Variants in LRP1B observed in about 807,000 individuals in gnomAD.
The protein encoded by LRP1B is low-density lipoprotein receptor-related protein 1B.
Under a neutral mutation model 556.6 loss-of-function variants are expected in LRP1B, and 217 were observed. The ratio of observed to expected loss-of-function variants is 0.39; its 90% CI spans 0.35 to 0.44. The LOEUF (loss-of-function observed/expected upper bound fraction) is 0.44, where lower values mean the gene tolerates loss of function less well. Among genes scored for constraint, LRP1B ranks in the 20% least tolerant of loss-of-function variants. The pLI is 1.00. For synonymous variants in LRP1B, 2,047 were observed against 1,865.8 expected (o/e 1.10, Z -2.50); for missense variants, 5,053 against 5,620.8 (o/e 0.90, Z 3.23).
chr2:141,878,693 TTAAA>T (rs909883548), intron 1 of LRP1B, among the ~76,000 whole-genome samples: 3 of 152,016 alleles, frequency 2.0e-5, no homozygotes, highest in Non-Finnish European at 4.4e-5. Flanking sequence ...AATGAACAAT[TTAAA>T]TAAATAACTG....
intron 7 of LRP1B, among the ~76,000 whole-genome samples, chr2:141,175,683 C>T (rs1680702063): frequency 6.6e-6 from 1 of 152,094 alleles, no homozygotes; most frequent in African/African-American, 2.4e-5. Flanking sequence ...GGGGTTGGAG[C>T]TCCCACACAG....
At chr2:142,100,881 C>T (rs1706545965) in intron 1 of LRP1B, among the ~76,000 whole-genome samples, 1 of 151,860 alleles carries the variant, frequency 6.6e-6, no homozygotes, top group Admixed American at 6.6e-5. Flanking sequence ...CACGTTTCCC[C>T]TTCCTTTTGC....
intron 7 of LRP1B, among the ~76,000 whole-genome samples, chr2:141,160,318 C>A (rs1044961931): frequency 6.6e-6 from 1 of 152,082 alleles, no homozygotes; most frequent in South Asian, 2.1e-4. Context: ...GCTGGTGAAA[C>A]TGTACAGCCT....
intron 2 of LRP1B, among the ~76,000 whole-genome samples, chr2:141,641,645 T>C (rs541870959): frequency 6.6e-6 from 1 of 152,276 alleles, no homozygotes; most frequent in African/African-American, 2.4e-5. Context: ...AATGGCATTA[T>C]GAAAGCTTAC....
intron 1 of LRP1B, among the ~76,000 whole-genome samples, chr2:142,036,475 T>G (rs1303220004): frequency 6.6e-6 from 1 of 151,720 alleles, no homozygotes; most frequent in Non-Finnish European, 1.5e-5. Flanking sequence ...TTTGAATTCC[T>G]AATTATTGGT....
At chr2:140,249,154 T>C (rs1470513285) in intron 86 of LRP1B, among the ~76,000 whole-genome samples, 1 of 151,680 alleles carries the variant, frequency 6.6e-6, no homozygotes, top group East Asian at 1.9e-4. Flanking sequence ...TCGGAAAAGA[T>C]TTGAAGTCAG....
At chr2:141,467,881 C>T (rs1202287010) in intron 3 of LRP1B, among the ~76,000 whole-genome samples, 2 of 149,642 alleles carry the variant, frequency 1.3e-5, no homozygotes, top group Non-Finnish European at 3.0e-5. Context: ...CACATACTAT[C>T]CCTAGAAGTT....
chr2:140,794,865 G>T (rs1051963320), intron 32 of LRP1B, among the ~76,000 whole-genome samples: 1 of 151,876 alleles, frequency 6.6e-6, no homozygotes, highest in Non-Finnish European at 1.5e-5. Flanking sequence ...CACCCACCTC[G>T]GCCTCCCAAA....
chr2:140,792,518 T>A (rs1690158609), intron 32 of LRP1B, among the ~76,000 whole-genome samples: 1 of 152,182 alleles, frequency 6.6e-6, no homozygotes, highest in Non-Finnish European at 1.5e-5. Flanking sequence ...CTAGGAAATA[T>A]TAACTTCAGT....
intron 46 of LRP1B, 47 bp from the exon 47 acceptor site, chr2:140,534,187 A>G (rs368344192): frequency 1.3e-6 from 2 of 1,533,196 alleles, no homozygotes; most frequent in African/African-American, 2.8e-5. Context: ...ATATAGAAAT[A>G]TTTGTACAAA....
intron 3 of LRP1B, among the ~76,000 whole-genome samples, chr2:141,370,392 G>T (rs544685935): frequency 6.6e-6 from 1 of 152,178 alleles, no homozygotes; most frequent in African/African-American, 2.4e-5. Context: ...ACATTTCCCT[G>T]GTGATTAATG....
chr2:140,600,763 C>T (rs1275577036), intron 42 of LRP1B, among the ~76,000 whole-genome samples: 25 of 51,638 alleles, frequency 4.8e-4, no homozygotes, highest in East Asian at 1.5e-3. Context: ...CTTTGTTCTT[C>T]GGGGTTTTTT....
intron 62 of LRP1B, among the ~76,000 whole-genome samples, chr2:140,452,968 T>TG (rs1686945457): frequency 6.7e-6 from 1 of 149,968 alleles, no homozygotes; most frequent in Non-Finnish European, 1.5e-5. Flanking sequence ...TGTGTTTTTT[T>TG]TTTTTTTTTT....
intron 1 of LRP1B, among the ~76,000 whole-genome samples, chr2:141,853,548 C>A (rs537845347): frequency 6.6e-6 from 1 of 151,422 alleles, no homozygotes; most frequent in Non-Finnish European, 1.5e-5. Flanking sequence ...TGTTATGAAG[C>A]AAAACAAAAA....
intron 1 of LRP1B, among the ~76,000 whole-genome samples, chr2:142,075,909 T>G (rs1039146686): frequency 3.9e-5 from 6 of 152,128 alleles, no homozygotes; most frequent in Non-Finnish European, 7.4e-5. Flanking sequence ...ATTGTCTGAA[T>G]CAAATTTCAG....
chr2:142,037,079 T>G (rs1473059320), intron 1 of LRP1B, among the ~76,000 whole-genome samples: 1 of 151,638 alleles, frequency 6.6e-6, no homozygotes, highest in Non-Finnish European at 1.5e-5. Context: ...GCATCAGACC[T>G]TTTCTTTATT....
At chr2:140,299,648 AAG>A (rs1297442664) in intron 83 of LRP1B, among the ~76,000 whole-genome samples, 1 of 152,152 alleles carries the variant, frequency 6.6e-6, no homozygotes, top group Admixed American at 6.6e-5. Context: ...GTGAAAAACA[AAG>A]CTACAGGACA....
chr2:140,872,262 G>T (rs556991001), intron 25 of LRP1B, among the ~76,000 whole-genome samples: 3 of 150,722 alleles, frequency 2.0e-5, no homozygotes, highest in Non-Finnish European at 4.4e-5. Context: ...GCTCCCTTTC[G>T]GGGAAAACCG....
chr2:141,202,050 T>C (rs1471158370), intron 6 of LRP1B, among the ~76,000 whole-genome samples: 1 of 152,212 alleles, frequency 6.6e-6, no homozygotes. Flanking sequence ...GCCACACAGA[T>C]CATTCCATCA....
Sources: allele counts gnomAD v4.1 joint callset (sites outside exome capture counted in the v4.1 genomes callset), GRCh38; gene constraint gnomAD v4.1.1; transcripts MANE v1.5; gene names NCBI Gene and HGNC (gene_info 2026-07-23, HGNC 2026-07-21).